ARHGEF10: variants seen among roughly 807,000 people sequenced by gnomAD.
ARHGEF10 encodes Rho guanine nucleotide exchange factor (GEF) 10.
ARHGEF10 carries 140 observed loss-of-function variants against 147.4 expected under a neutral mutation model. That is an observed-to-expected ratio of 0.95 (90% CI 0.83 to 1.09). ARHGEF10 has a LOEUF of 1.09. ARHGEF10 is among the 50% of genes least tolerant of loss of function. ARHGEF10 has a pLI of 0.00. For synonymous variants in ARHGEF10, 902 were observed against 695.8 expected (o/e 1.30, Z -4.67); for missense variants, 2,222 against 1,752.7 (o/e 1.27, Z -4.78).
At chr8:1,939,638 T>A (rs980118363) in intron 26 of ARHGEF10, among the ~76,000 whole-genome samples, 3 of 152,150 alleles carry the variant, frequency 2.0e-5, no homozygotes, top group Non-Finnish European at 2.9e-5. Context: ...GGCTAGCTGG[T>A]CGAGGGTGAG....
At chr8:1,823,657 C>T (rs1481885702), upstream of ARHGEF10, among the ~76,000 whole-genome samples, 11 of 151,782 alleles carry the variant, frequency 7.2e-5, no homozygotes, top group Non-Finnish European at 1.6e-4. Context: ...GCGACCCCTC[C>T]CGAAGTGAGC....
chr8:1,865,399 G>A (rs1806501104), intron 5 of ARHGEF10, among the ~76,000 whole-genome samples: 1 of 150,646 alleles, frequency 6.6e-6, no homozygotes, highest in African/African-American at 2.5e-5. Flanking sequence ...CACCCAGGGG[G>A]TGGTCACCAG....
chr8:1,904,609 A>G lies in ARHGEF10; in HGVS notation c.1822-962A>G, dbSNP rs373957756. Among the ~76,000 whole-genome samples the G allele has an allele frequency of 1.7e-3, 255 of 152,284 alleles. 1 individual carries two copies. The highest frequency in any genetic ancestry group is 5.9e-3 in the African/African-American group (245 of 41,554). On this transcript the variant is annotated intron_variant, in intron 16 of 28. Transcript: ENST00000349830. ...GTGGCACTTGAACCTCCGAATACACATGGGGCACGGAGCAAGCCCAGAGGC... is the reference window on the plus strand; with the variant it reads ...GTGGCACTTGAACCTCCGAATACACGTGGGGCACGGAGCAAGCCCAGAGGC...
intron 1 of ARHGEF10, among the ~76,000 whole-genome samples, chr8:1,827,117 T>G (rs1209860845): frequency 6.6e-6 from 1 of 152,194 alleles, no homozygotes; most frequent in Non-Finnish European, 1.5e-5. Flanking sequence ...GGGGCAGGGT[T>G]ACCTGTAAGG....
rs6558553 is a variant in ARHGEF10, at chr8:1,834,409, C to T, written c.-47-8944C>T. Among the ~76,000 whole-genome samples the T allele has an allele frequency of 4.0e-5, 6 of 151,756 alleles. No homozygotes were observed. The East Asian group carries it at 9.7e-4, about 25-fold the overall frequency. The stretch of plus-strand genomic sequence containing the variant: ...GCGTAATGGTGAGAAGGTAGCAGAG[C>T]TGGAGACACAGGCCCAGGGAGGACC... On this transcript the variant is annotated intron_variant, in intron 1 of 28. Transcript: ENST00000349830.
At chr8:1,871,420 A>G (rs772180068) in intron 7 of ARHGEF10, among the ~76,000 whole-genome samples, 6 of 152,236 alleles carry the variant, frequency 3.9e-5, no homozygotes, top group Non-Finnish European at 8.8e-5. Flanking sequence ...ATGGTCAAAG[A>G]TAAAATGGAA....
At chr8:1,874,800 C>T (rs927415101) in intron 7 of ARHGEF10, among the ~76,000 whole-genome samples, 3 of 148,866 alleles carry the variant, frequency 2.0e-5, no homozygotes, top group Middle Eastern at 3.4e-3. Context: ...GGTAGAGGTT[C>T]TAAGACAGGC....
intron 18 of ARHGEF10, among the ~76,000 whole-genome samples, chr8:1,912,678 C>T (rs2129188934): frequency 6.6e-6 from 1 of 152,302 alleles, no homozygotes; most frequent in East Asian, 1.9e-4. Flanking sequence ...GGCTGGTGAC[C>T]ATGGGTCCCC....
chr8:1,904,397 A>G (rs371535088), intron 16 of ARHGEF10: 2 of 152,178 alleles, frequency 1.3e-5, no homozygotes, highest in Admixed American at 1.3e-4. Flanking sequence ...TTGTTTTGTC[A>G]TTAGGAGTAG....
Position 1,951,998 on chromosome 8 carries a change from G to T in ARHGEF10, c.3398-707G>T, listed in dbSNP as rs1405658027. 1.5e-4 allele frequency among the ~76,000 whole-genome samples: 10 copies of T among 64,848 alleles called. No homozygotes were observed. In the Admixed American group the frequency reaches 1.6e-3, roughly 11 times the overall value. 42.5% of individuals were successfully genotyped at this position (64,848 alleles called of 152,430 possible). A position where few individuals can be genotyped will look rare whatever the true frequency, so the allele number is the denominator to read the frequency against. The stretch of plus-strand genomic sequence containing the variant: ...GGCCATGCGTCTCCCACATTGTTTT[G>T]CAGCCACTTTCTAGCCTTGTCACTG... On this transcript the variant is annotated intron_variant, in intron 27 of 28. Transcript: ENST00000349830.
chr8:1,825,694 C>A (rs936929044), intron 1 of ARHGEF10, among the ~76,000 whole-genome samples: 3 of 152,076 alleles, frequency 2.0e-5, no homozygotes, highest in African/African-American at 4.8e-5. Context: ...AGGTCATGTT[C>A]CCAGGCAGCA....
rs536953375 is a variant in ARHGEF10 at position 1,919,549 on chromosome 8, G to A, written c.2144-3415G>A. On this transcript the variant is annotated intron_variant, in intron 18 of 28. Coordinates refer to ENST00000349830, the MANE Select transcript of ARHGEF10 (RefSeq NM_014629.4). ...TGATAAACTGTTCTGTCGAGTGATG[G>A]AGCTGTTCTATGGGTGATGAGCTGT... Among the ~76,000 whole-genome samples, 21 of 148,576 alleles carry A rather than the reference G, an allele frequency of 1.4e-4. No homozygotes were observed. The South Asian group carries it at 3.2e-3, about 23-fold the overall frequency.
chr8:1,879,784 C>T (rs1013520808), intron 8 of ARHGEF10, among the ~76,000 whole-genome samples: 1 of 152,066 alleles, frequency 6.6e-6, no homozygotes. Context: ...AACTCCTGAG[C>T]TCAATTGATC....
At chr8:1,904,836 A>C (rs1315892309) in intron 16 of ARHGEF10, among the ~76,000 whole-genome samples, 1 of 151,962 alleles carries the variant, frequency 6.6e-6, no homozygotes, top group Non-Finnish European at 1.5e-5. Context: ...TGTTATAAGT[A>C]TTGGCCGGGT....
Position 1,860,055 on chromosome 8 carries a change from G to C in ARHGEF10, c.352G>C (p.Gly118Arg). ...GCCCAGCGCTGAGGAGGAGAATGTG[G>C]GTCTCCATGTGCCCTGCGGGTACTT... ...PVPSAEEENV[G>R]LHVPCGYLVP... The change falls in exon 4 of 29, where the codon GGT becomes CGT. Residue 118 changes from glycine (G) to arginine (R), a missense_variant. Transcript: ENST00000349830. The C allele has an allele frequency of 6.2e-7, 1 of 1,614,120 alleles. No homozygotes were observed. Among genetic ancestry groups the C allele is most frequent in the Non-Finnish European group, 8.5e-7 (1 of 1,180,008 alleles).
intron 2 of ARHGEF10, among the ~76,000 whole-genome samples, chr8:1,844,828 A>G (rs534176031): frequency 5.9e-5 from 9 of 152,192 alleles, no homozygotes; most frequent in African/African-American, 2.2e-4. Context: ...GCACTTTGGG[A>G]GACTGAGGTG....
intron 11 of ARHGEF10, among the ~76,000 whole-genome samples, chr8:1,892,196 G>T (rs79273299): frequency 6.6e-6 from 1 of 151,186 alleles, no homozygotes; most frequent in African/African-American, 2.4e-5. Context: ...CTAAGCTCTC[G>T]TTTGAAAGGG....
rs768252656 is a variant in ARHGEF10, at chr8:1,864,453, T to G, written c.545+17T>G. 1 of 1,611,538 alleles carries G rather than the reference T, an allele frequency of 6.2e-7. No homozygotes were observed. Among genetic ancestry groups the G allele is most frequent in the Admixed American group, 1.7e-5 (1 of 60,012 alleles). ...TCCAACCAGGTATCTGCATCCGTCT[T>G]CCCACACCTGCTGAATTCCCGCCTT... On this transcript the variant is annotated intron_variant, in intron 5 of 28. Transcript: ENST00000349830.
intron 24 of ARHGEF10, 152 bp downstream of exon 24, chr8:1,928,802 G>T: frequency 1.2e-6 from 1 of 815,518 alleles, no homozygotes; most frequent in Non-Finnish European, 2.0e-6. Flanking sequence ...TAGGGTCATT[G>T]CACTTTGAAA....
Sources: gnomAD v4.1 joint callset for allele counts (sites outside exome capture counted in the v4.1 genomes callset) on GRCh38, gnomAD v4.1.1 for gene constraint, MANE v1.5 for transcripts, NCBI Gene and HGNC (gene_info 2026-07-23, HGNC 2026-07-21) for gene names.